F2RL3: variants seen among roughly 807,000 people sequenced by gnomAD.
The protein encoded by F2RL3 is F2R like thrombin or trypsin receptor 3.
F2RL3 carries 3 observed loss-of-function variants against 4.9 expected under a neutral mutation model. That is an observed-to-expected ratio of 0.61 (90% CI 0.28 to 1.58). The LOEUF is 1.58. Among genes scored for constraint, F2RL3 ranks in the 40% most tolerant of loss-of-function variants. F2RL3 has a pLI of 0.11. For missense variants in F2RL3, 564 were observed against 550.4 expected (o/e 1.02, Z -0.25); for synonymous variants, 284 against 278.4 (o/e 1.02, Z -0.20).
In F2RL3 at chr19:16,890,556, GCCTCCAAGGCCT is replaced by G; in HGVS notation, c.1095_1106del (p.Ser366_Ser369del). ...CCAACGGTCGCCGGGGGACACCGTG[GCCTCCAAGGCCT>G]CTGCGGAAGGGGGCAGCCGGGGCAT... On this transcript the variant is annotated inframe_deletion, in exon 2 of 2. Coordinates refer to ENST00000248076, the MANE Select transcript of F2RL3 (RefSeq NM_003950.4). 1 of 1,605,132 alleles carries G rather than the reference GCCTCCAAGGCCT, an allele frequency of 6.2e-7. No homozygotes were observed. Among genetic ancestry groups the G allele is most frequent in the East Asian group, 2.2e-5 (1 of 44,608 alleles).
Position 16,890,344 on chromosome 19 carries a change from C to G in F2RL3, c.881C>G (p.Ala294Gly). 1 of 1,599,550 alleles carries G rather than the reference C, an allele frequency of 6.3e-7. No homozygotes were observed. ...LTAVVLASAV[A>G]FFVPSNLLLL... The stretch of plus-strand genomic sequence containing the variant: ...GCAGTGGTGCTGGCCTCCGCCGTGG[C>G]CTTCTTCGTGCCCAGCAACCTGCTG... The change falls in exon 2 of 2, where the codon GCC (alanine) becomes GGC (glycine). Residue 294 changes from alanine to glycine, a missense_variant. Transcript: ENST00000248076.
At position 16,891,581 on chromosome 19, in the gene F2RL3, C is replaced by CAA. The variant is rs2051792544; in HGVS notation, c.*960_*961insAA. 6.6e-6 allele frequency: 1 copy of CAA among 152,190 alleles called. No homozygotes were observed. The highest frequency in any genetic ancestry group is 1.5e-5 in the Non-Finnish European group (1 of 68,062). 9.4% of individuals were successfully genotyped at this position (152,190 alleles called of 1,614,324 possible). A position where few individuals can be genotyped will look rare whatever the true frequency, so the allele number is the denominator to read the frequency against. On this transcript the variant is annotated 3_prime_UTR_variant, in exon 2 of 2. Coordinates refer to ENST00000248076, the MANE Select transcript of F2RL3 (RefSeq NM_003950.4). ...CTAACATGGTGAAATCCTATCTCTA[C>CAA]CAAAAATACAAAAATTAGCCAGGCG...
chr19:16,889,183 T>C lies in F2RL3; in HGVS notation c.-7T>C, dbSNP rs1599627263. ...AGGCCACAGCCCAGAGCAGCCTGAG[T>C]GCAGTCATGTGGGGGCGACTGCTCC... On this transcript the variant is annotated 5_prime_UTR_variant, in exon 1 of 2. Transcript: ENST00000248076. The C allele has an allele frequency of 6.4e-7, 1 of 1,552,722 alleles. No individual in the cohort carries two copies. The highest frequency in any genetic ancestry group is 8.7e-7 in the Non-Finnish European group (1 of 1,149,248).
In F2RL3 at chr19:16,890,368, T is replaced by C. The variant is rs778471479; in HGVS notation, c.905T>C (p.Leu302Pro). ...GCCTTCTTCGTGCCCAGCAACCTGC[T>C]GCTGCTGCTGCATTACTCGGACCCG... ...AVAFFVPSNLLLLLHYSDPSP... is the reference protein window; with the variant it reads ...AVAFFVPSNLPLLLHYSDPSP... The change falls in exon 2 of 2, where the codon CTG becomes CCG. Residue 302 changes from leucine (L) to proline (P), a missense_variant. Transcript: ENST00000248076. 1 of 1,606,674 alleles carries C rather than the reference T, an allele frequency of 6.2e-7. No homozygotes were observed. Among genetic ancestry groups the C allele is most frequent in the South Asian group, 1.1e-5 (1 of 90,424 alleles).
rs368402650 is a variant in F2RL3 at position 16,889,161 on chromosome 19, C to T, written c.-29C>T. The T allele has an allele frequency of 6.5e-4, 943 of 1,447,618 alleles. 16 individuals are homozygous for T. In the South Asian group the frequency reaches 0.012, roughly 18 times the overall value. The allele number at this position is 1,447,618 out of a possible 1,614,324, so 89.7% of individuals were successfully genotyped here. A position where few individuals can be genotyped will look rare whatever the true frequency, so the allele number is the denominator to read the frequency against. ...GTCCGGCGAGGCAGGAAGCCTGAGG[C>T]CACAGCCCAGAGCAGCCTGAGTGCA... On this transcript the variant is annotated 5_prime_UTR_variant, in exon 1 of 2. Transcript: ENST00000248076.
Position 16,890,710 on chromosome 19 carries a change from G to C in F2RL3, c.*89G>C. 9.9e-7 allele frequency: 1 copy of C among 1,005,520 alleles called. No individual in the cohort carries two copies. Among genetic ancestry groups the C allele is most frequent in the Non-Finnish European group, 1.4e-6 (1 of 698,706 alleles). 62.3% of individuals were successfully genotyped at this position (1,005,520 alleles called of 1,614,324 possible). ...GGGACCTCAGAATGTGACCTTATTT[G>C]GAAATAGGGTTGTTACAACTGTCAC... On this transcript the variant is annotated 3_prime_UTR_variant, in exon 2 of 2. Coordinates refer to ENST00000248076, the MANE Select transcript of F2RL3 (RefSeq NM_003950.4).
Position 16,890,066 on chromosome 19 carries a change from G to C in F2RL3, c.603G>C (p.Trp201Cys). Residue 201 changes from tryptophan (W) to cysteine (C), a missense_variant, in exon 2 of 2, where the codon TGG (tryptophan) becomes TGC (cysteine). Coordinates refer to ENST00000248076, the MANE Select transcript of F2RL3 (RefSeq NM_003950.4). Reference protein sequence around the residue: ...RLALGLCMAAWLMAAALALPL... With the variant: ...RLALGLCMAACLMAAALALPL... ...CCCTTGGACTCTGCATGGCTGCTTG[G>C]CTCATGGCGGCCGCCCTGGCACTGC... 6.3e-7 allele frequency: 1 copy of C among 1,597,678 alleles called. No homozygotes were observed. Among genetic ancestry groups the C allele is most frequent in the Non-Finnish European group, 8.5e-7 (1 of 1,178,974 alleles).
chr19:16,890,764 G>A lies in F2RL3; in HGVS notation c.*143G>A. On this transcript the variant is annotated 3_prime_UTR_variant, in exon 2 of 2. Coordinates refer to ENST00000248076, the MANE Select transcript of F2RL3 (RefSeq NM_003950.4). ...CGGAGGTCACTTTGGAGAAGGGTGG[G>A]CCTTACATCCAGTGTGGGTGGTGTC... 3 of 684,056 alleles carry A rather than the reference G, an allele frequency of 4.4e-6. No individual in the cohort carries two copies. Among genetic ancestry groups the A allele is most frequent in the Non-Finnish European group, 7.3e-6 (3 of 411,196 alleles). The allele number at this position is 684,056 out of a possible 1,614,324, so 42.4% of individuals were successfully genotyped here.
rs763263524 is a variant in F2RL3 at position 16,889,928 on chromosome 19, A to T, written c.465A>T (p.Ala155=). 3.2e-6 allele frequency: 5 copies of T among 1,586,354 alleles called. No individual in the cohort carries two copies. The South Asian group carries it at 5.6e-5, about 18-fold the overall frequency. Residue 155 remains alanine (A), a synonymous_variant, in exon 2 of 2, where the codon GCA becomes GCT. Transcript: ENST00000248076. ...GEAACRLATA[A]LYGHMYGSVL... Reference sequence around the variant, plus strand: ...CCGCCTGCCGCCTGGCCACGGCCGCACTCTATGGTCACATGTATGGCTCAG... The same window carrying T: ...CCGCCTGCCGCCTGGCCACGGCCGCTCTCTATGGTCACATGTATGGCTCAG...
rs1482245338 is a variant in F2RL3 at position 16,889,157 on chromosome 19, G to A, written c.-33G>A. The stretch of plus-strand genomic sequence containing the variant: ...CAGGGTCCGGCGAGGCAGGAAGCCT[G>A]AGGCCACAGCCCAGAGCAGCCTGAG... On this transcript the variant is annotated 5_prime_UTR_variant, in exon 1 of 2. Transcript: ENST00000248076. 2 of 1,419,536 alleles carry A rather than the reference G, an allele frequency of 1.4e-6. No homozygotes were observed. The highest frequency in any genetic ancestry group is 1.9e-4 in the Middle Eastern group (1 of 5,152). 87.9% of individuals were successfully genotyped at this position (1,419,536 alleles called of 1,614,324 possible).
At position 16,889,995 on chromosome 19, in the gene F2RL3, C is replaced by T. The variant is rs747227172; in HGVS notation, c.532C>T (p.Leu178=). ...CGTCAGCCTGGATCGCTACCTGGCC[C>T]TGGTGCACCCGCTGCGGGCCCGCGC... ...AAVSLDRYLA[L]VHPLRARALR... Residue 178 remains leucine, a synonymous_variant, in exon 2 of 2, where the codon CTG becomes TTG. Transcript: ENST00000248076. 5.0e-6 allele frequency: 8 copies of T among 1,598,370 alleles called. No individual in the cohort carries two copies. The highest frequency in any genetic ancestry group is 5.9e-6 in the Non-Finnish European group (7 of 1,176,634).
In F2RL3 at chr19:16,890,750, T is replaced by A; in HGVS notation, c.*129T>A. On this transcript the variant is annotated 3_prime_UTR_variant, in exon 2 of 2. Coordinates refer to ENST00000248076, the MANE Select transcript of F2RL3 (RefSeq NM_003950.4). The stretch of plus-strand genomic sequence containing the variant: ...ACAACTGTCACTAGCGGAGGTCACT[T>A]TGGAGAAGGGTGGGCCTTACATCCA... 1 of 742,812 alleles carries A rather than the reference T, an allele frequency of 1.3e-6. No individual in the cohort carries two copies. Among genetic ancestry groups the A allele is most frequent in the Non-Finnish European group, 2.2e-6 (1 of 463,706 alleles). The allele number at this position is 742,812 out of a possible 1,614,324, so 46.0% of individuals were successfully genotyped here.
At position 16,890,743 on chromosome 19, in the gene F2RL3, G is replaced by A. The variant is rs944683140; in HGVS notation, c.*122G>A. 3 of 768,046 alleles carry A rather than the reference G, an allele frequency of 3.9e-6. No homozygotes were observed. The highest frequency in any genetic ancestry group is 1.7e-5 in the African/African-American group (1 of 57,216). The allele number at this position is 768,046 out of a possible 1,614,324, so 47.6% of individuals were successfully genotyped here. ...GGTTGTTACAACTGTCACTAGCGGAGGTCACTTTGGAGAAGGGTGGGCCTT... is the reference window on the plus strand; with the variant it reads ...GGTTGTTACAACTGTCACTAGCGGAAGTCACTTTGGAGAAGGGTGGGCCTT... On this transcript the variant is annotated 3_prime_UTR_variant, in exon 2 of 2. Coordinates refer to ENST00000248076, the MANE Select transcript of F2RL3 (RefSeq NM_003950.4).
chr19:16,889,055 G>C lies in F2RL3; in HGVS notation c.-135G>C, dbSNP rs114514490. Reference sequence around the variant, plus strand: ...TGGCAAGCGGCCCTGGTGGGTCTGCGGGGGCAGGGGCAGCCTTCCTGGTTT... The same window carrying C: ...TGGCAAGCGGCCCTGGTGGGTCTGCCGGGGCAGGGGCAGCCTTCCTGGTTT... On this transcript the variant is annotated 5_prime_UTR_variant, in exon 1 of 2. Coordinates refer to ENST00000248076, the MANE Select transcript of F2RL3 (RefSeq NM_003950.4). 32 of 619,384 alleles carry C rather than the reference G, an allele frequency of 5.2e-5. No individual in the cohort carries two copies. In the African/African-American group the frequency reaches 5.6e-4, roughly 11 times the overall value. 38.4% of individuals were successfully genotyped at this position (619,384 alleles called of 1,614,324 possible). A position where few individuals can be genotyped will look rare whatever the true frequency, so the allele number is the denominator to read the frequency against.
rs924197733 is a variant in F2RL3 at position 16,889,148 on chromosome 19, A to G, written c.-42A>G. On this transcript the variant is annotated 5_prime_UTR_variant, in exon 1 of 2. Transcript: ENST00000248076. ...GCTGGGGCTCAGGGTCCGGCGAGGC[A>G]GGAAGCCTGAGGCCACAGCCCAGAG... 2 of 1,366,332 alleles carry G rather than the reference A, an allele frequency of 1.5e-6. No homozygotes were observed. Among genetic ancestry groups the G allele is most frequent in the Non-Finnish European group, 1.9e-6 (2 of 1,031,484 alleles). 84.6% of individuals were successfully genotyped at this position (1,366,332 alleles called of 1,614,324 possible).
chr19:16,889,666 G>A lies in F2RL3; in HGVS notation c.203G>A (p.Arg68Gln), dbSNP rs142116437. Residue 68 changes from arginine to glutamine, a missense_variant, in exon 2 of 2, where the codon CGG becomes CAG. Coordinates refer to ENST00000248076, the MANE Select transcript of F2RL3 (RefSeq NM_003950.4). ...ACCCTGGAGCTCCCGGACAGCTCAC[G>A]GGCACTGCTTCTGGGCTGGGTGCCC... Reference protein sequence around the residue: ...SDTLELPDSSRALLLGWVPTR... With the variant: ...SDTLELPDSSQALLLGWVPTR... 14 of 1,610,106 alleles carry A rather than the reference G, an allele frequency of 8.7e-6. No individual in the cohort carries two copies. In the African/African-American group the frequency reaches 1.3e-4, roughly 15 times the overall value.
In F2RL3 at chr19:16,889,301, G is replaced by A. The variant is rs1293276224; in HGVS notation, c.109+3G>A. Reference sequence around the variant, plus strand: ...CGGGAGCACCGGAGGTGGTGATGGTGAGTGGTCCTGGCTTTGGGGTGCAGA... The same window carrying A: ...CGGGAGCACCGGAGGTGGTGATGGTAAGTGGTCCTGGCTTTGGGGTGCAGA... On this transcript the variant is annotated splice_donor_region_variant and intron_variant, in intron 1 of 1. Coordinates refer to ENST00000248076, the MANE Select transcript of F2RL3 (RefSeq NM_003950.4). 17 of 1,586,366 alleles carry A rather than the reference G, an allele frequency of 1.1e-5. No individual in the cohort carries two copies.
At chr19:16,889,503 C>T in intron 1 of F2RL3, 70 bp from the exon 2 acceptor site, 1 of 1,427,236 alleles carries the variant, frequency 7.0e-7, no homozygotes, top group Non-Finnish European at 9.5e-7. Flanking sequence ...AGGCTCTGAG[C>T]ACCTCCCTCC....
chr19:16,890,495 G>A lies in F2RL3; in HGVS notation c.1032G>A (p.Ser344=), dbSNP rs777089838. 52 of 1,612,664 alleles carry A rather than the reference G, an allele frequency of 3.2e-5. No homozygotes were observed. Among genetic ancestry groups the A allele is most frequent in the African/African-American group, 9.3e-5 (7 of 74,942 alleles). Reference sequence around the variant, plus strand: ...ATCCCTTCATCTACTACTACGTGTCGGCCGAGTTCAGGGACAAGGTGCGGG... The same window carrying A: ...ATCCCTTCATCTACTACTACGTGTCAGCCGAGTTCAGGGACAAGGTGCGGG... ...CVDPFIYYYV[S]AEFRDKVRAG... is the part of the protein sequence containing the mutation. The change falls in exon 2 of 2, where the codon TCG becomes TCA. Residue 344 remains serine, a synonymous_variant. Transcript: ENST00000248076.
Sources: gnomAD v4.1 joint callset for allele counts on GRCh38, gnomAD v4.1.1 for gene constraint, MANE v1.5 for transcripts, NCBI Gene and HGNC (gene_info 2026-07-23, HGNC 2026-07-21) for gene names.